Variants in SV2B observed in about 807,000 individuals in gnomAD.
SV2B encodes the protein synaptic vesicle glycoprotein 2B, also known as solute carrier family 22 member B2.
In SV2B, 41 loss-of-function variants were observed where a neutral mutation model predicts 73.9. The observed-to-expected ratio is 0.56, with a 90% CI of 0.43 to 0.72. SV2B has a LOEUF of 0.72. Ranked by LOEUF, SV2B falls within the 30% of genes least tolerant of loss-of-function variation. SV2B has a pLI of 0.00. For synonymous variants in SV2B, 314 were observed against 314.2 expected (o/e 1.00, Z 0.01); for missense variants, 764 against 857.8 (o/e 0.89, Z 1.37).
chr15:91,181,461 C>T (rs1269067153), intron 1 of SV2B, among the ~76,000 whole-genome samples: 1 of 151,998 alleles, frequency 6.6e-6, no homozygotes, highest in African/African-American at 2.4e-5. Context: ...GCAGAGGTTA[C>T]TGCTGTCTTT....
At position 91,232,404 on chromosome 15, in the gene SV2B, T is replaced by C. The variant is rs2046612144; in HGVS notation, c.451+5690T>C. ...AAATGAAGGGCTCCCTTAGCAGACGTACACGGATTGCTGTGTTTAGGAGTG... is the reference window on the plus strand; with the variant it reads ...AAATGAAGGGCTCCCTTAGCAGACGCACACGGATTGCTGTGTTTAGGAGTG... On this transcript the variant is annotated intron_variant, in intron 2 of 12. Transcript: ENST00000394232. The surrounding 1 kb of genome is among the most constrained non-coding windows in gnomAD (Gnocchi z 4.7). Among the ~76,000 whole-genome samples the C allele has an allele frequency of 6.6e-6, 1 of 152,222 alleles. No homozygotes were observed. The highest frequency in any genetic ancestry group is 1.5e-5 in the Non-Finnish European group (1 of 68,038).
chr15:91,237,995 G>A (rs185958352), intron 2 of SV2B, among the ~76,000 whole-genome samples: 1 of 152,300 alleles, frequency 6.6e-6, no homozygotes, highest in East Asian at 1.9e-4. Flanking sequence ...TAAGGCATGA[G>A]TGCTGGACCC....
At chr15:91,173,724 C>A (rs151085763) in intron 1 of SV2B, among the ~76,000 whole-genome samples, 1 of 152,258 alleles carries the variant, frequency 6.6e-6, no homozygotes, top group East Asian at 1.9e-4. Context: ...CAGAAAGCCC[C>A]ACAGAAGAAA....
rs72764731 is a variant in SV2B, at chr15:91,139,653, T to C, written c.-392+39290T>C. 0.12 allele frequency among the ~76,000 whole-genome samples: 18,316 copies of C among 152,166 alleles called. 1,180 individuals are homozygous for C. Among genetic ancestry groups the C allele is most frequent in the African/African-American group, 0.14 (5,816 of 41,504 alleles). ...TGTCAGAGAAGGCAAAAGCAAATTC[T>C]GTCTGAAAGAGAGCACCCTCCATTT... On this transcript the variant is annotated intron_variant, in intron 1 of 12. Transcript: ENST00000394232. This position sits in a 1 kb window ranked among gnomAD's most constrained non-coding sequence, Gnocchi z 5.2.
intron 1 of SV2B, among the ~76,000 whole-genome samples, chr15:91,169,420 C>T (rs182538257): frequency 1.2e-4 from 18 of 147,462 alleles, no homozygotes; most frequent in Admixed American, 2.7e-4. Context: ...AAAGACAGCC[C>T]CCCCATCCCC....
At chr15:91,228,113 T>G (rs1459256243) in intron 2 of SV2B, among the ~76,000 whole-genome samples, 1 of 152,176 alleles carries the variant, frequency 6.6e-6, no homozygotes, top group Non-Finnish European at 1.5e-5. Flanking sequence ...ATAAAGAACC[T>G]CTGCATAAAA....
rs2141525793 is a variant in SV2B, at chr15:91,234,022, G to C, written c.451+7308G>C. On this transcript the variant is annotated intron_variant, in intron 2 of 12. Coordinates refer to ENST00000394232, the MANE Select transcript of SV2B (RefSeq NM_001323032.3). This position sits in a 1 kb window ranked among gnomAD's most constrained non-coding sequence, Gnocchi z 5.6. The stretch of plus-strand genomic sequence containing the variant: ...TTTATTGATTTGGGCCCACTAAGCA[G>C]AAATTCTGCATTTAATGTTGCAGCT... Among the ~76,000 whole-genome samples, 1 of 152,312 alleles carries C rather than the reference G, an allele frequency of 6.6e-6. No individual in the cohort carries two copies. Among genetic ancestry groups the C allele is most frequent in the Middle Eastern group, 3.4e-3 (1 of 294 alleles).
chr15:91,182,923 G>A (rs933987105), intron 1 of SV2B, among the ~76,000 whole-genome samples: 1 of 152,156 alleles, frequency 6.6e-6, no homozygotes, highest in South Asian at 2.1e-4. Flanking sequence ...TATACCCATA[G>A]GCTTTAAGAT....
intron 9 of SV2B, among the ~76,000 whole-genome samples, chr15:91,275,231 T>A (rs781608600): frequency 1.3e-5 from 2 of 152,200 alleles, no homozygotes; most frequent in African/African-American, 2.4e-5. Flanking sequence ...CTCTTTTAGA[T>A]TATTTTCATA....
At position 91,106,291 on chromosome 15, in the gene SV2B, A is replaced by C. The variant is rs1203695464; in HGVS notation, c.-392+5928A>C. Among the ~76,000 whole-genome samples, 1 of 152,176 alleles carries C rather than the reference A, an allele frequency of 6.6e-6. No homozygotes were observed. Among genetic ancestry groups the C allele is most frequent in the Non-Finnish European group, 1.5e-5 (1 of 68,026 alleles). On this transcript the variant is annotated intron_variant, in intron 1 of 12. Transcript: ENST00000394232. This position sits in a 1 kb window ranked among gnomAD's most constrained non-coding sequence, Gnocchi z 4.4. ...TATGAGAGTCTAGAGTTCAGGGAAG[A>C]GTTTCAGGAAGGAGACATAGGTTTG...
chr15:91,276,961 C>T (rs1045501014), intron 9 of SV2B, among the ~76,000 whole-genome samples: 2 of 152,012 alleles, frequency 1.3e-5, no homozygotes, highest in Non-Finnish European at 2.9e-5. Flanking sequence ...AGTGGGATTA[C>T]AGGCATGCAA....
At chr15:91,202,045 A>G (rs897753405) in intron 1 of SV2B, among the ~76,000 whole-genome samples, 4 of 152,084 alleles carry the variant, frequency 2.6e-5, no homozygotes, top group Admixed American at 2.0e-4. Context: ...CTTTCTTCAA[A>G]TATCTGCATG....
At chr15:91,134,537 C>T (rs561204173) in intron 1 of SV2B, among the ~76,000 whole-genome samples, 2 of 152,246 alleles carry the variant, frequency 1.3e-5, no homozygotes, top group African/African-American at 4.8e-5. Context: ...ACAAATGACT[C>T]CAGGACACCC....
rs2048177245 is a variant in SV2B at position 91,268,378 on chromosome 15, A to C, written c.1209-63A>C. 1 of 1,529,228 alleles carries C rather than the reference A, an allele frequency of 6.5e-7. No homozygotes were observed. 94.7% of individuals were successfully genotyped at this position (1,529,228 alleles called of 1,614,324 possible). On this transcript the variant is annotated intron_variant, in intron 8 of 12. Transcript: ENST00000394232. This position sits in a 1 kb window ranked among gnomAD's most constrained non-coding sequence, Gnocchi z 4.4. ...TTGATCTGCATCAAGTCAAGAGTGT[A>C]GACCCTGATCATGAAAGAATGAATC...
At chr15:91,203,844 CT>C (rs1183848638) in intron 1 of SV2B, among the ~76,000 whole-genome samples, 1 of 152,124 alleles carries the variant, frequency 6.6e-6, no homozygotes, top group Non-Finnish European at 1.5e-5. Flanking sequence ...CTCTCCTCCC[CT>C]CTCCCCCTCT....
At chr15:91,287,237 T>G (rs1223516497) in intron 11 of SV2B, among the ~76,000 whole-genome samples, 1 of 152,162 alleles carries the variant, frequency 6.6e-6, no homozygotes, top group Non-Finnish European at 1.5e-5. Context: ...GCCCCAGGTC[T>G]GAGGGTGACA....
At chr15:91,257,184 T>C (rs1184983882) in intron 4 of SV2B, among the ~76,000 whole-genome samples, 1 of 152,228 alleles carries the variant, frequency 6.6e-6, no homozygotes, top group Non-Finnish European at 1.5e-5. Flanking sequence ...TCCTTGGCAC[T>C]AAATGTCATG....
rs572444660 is a variant in SV2B at position 91,195,332 on chromosome 15, T to C, written c.-391-30541T>C. Among the ~76,000 whole-genome samples the C allele has an allele frequency of 3.3e-5, 5 of 152,244 alleles. No individual in the cohort carries two copies. The East Asian group carries it at 9.7e-4, about 29-fold the overall frequency. ...ACCACCATGCCCAGCTAATTTTTTG[T>C]AACTGTTTGTAGAGACAAGGTATCA... On this transcript the variant is annotated intron_variant, in intron 1 of 12. Coordinates refer to ENST00000394232, the MANE Select transcript of SV2B (RefSeq NM_001323032.3).
At position 91,272,808 on chromosome 15, in the gene SV2B, G is replaced by A. The variant is rs551158341; in HGVS notation, c.1373+4203G>A. On this transcript the variant is annotated intron_variant, in intron 9 of 12. Coordinates refer to ENST00000394232, the MANE Select transcript of SV2B (RefSeq NM_001323032.3). ...ACGCCAAGGCTCCTTTGGGGAGGGG[G>A]GATAAATGAGCATATTCGTCTTTTT... 9.2e-4 allele frequency among the ~76,000 whole-genome samples: 139 copies of A among 151,168 alleles called. 4 individuals carry two copies. The South Asian group carries it at 0.023, about 25-fold the overall frequency.
Sources: allele counts gnomAD v4.1 joint callset (sites outside exome capture counted in the v4.1 genomes callset), GRCh38; gene constraint gnomAD v4.1.1; non-coding constraint Gnocchi (gnomAD v3.1); transcripts MANE v1.5; gene names NCBI Gene and HGNC (gene_info 2026-07-23, HGNC 2026-07-21).